INSRR: variants seen among roughly 807,000 people sequenced by gnomAD.
The protein encoded by INSRR is insulin receptor related receptor.
A neutral mutation model predicts 130.0 loss-of-function variants in INSRR; 114 were observed. The ratio of observed to expected loss-of-function variants is 0.88; its 90% CI spans 0.75 to 1.02. The LOEUF (loss-of-function observed/expected upper bound fraction) is 1.02, where lower values mean the gene tolerates loss of function less well. INSRR is among the 50% of genes least tolerant of loss of function. The pLI is 0.00. For synonymous variants in INSRR, 674 were observed against 705.2 expected, an observed-to-expected ratio of 0.96 and a Z score of 0.70; for missense variants, 1,657 against 1,735.2, an observed-to-expected ratio of 0.95 and a Z score of 0.80.
At chr1:156,849,150 C>G (rs1366348494) in intron 6 of INSRR, 96 bp downstream of exon 6, 2 of 1,599,942 alleles carry the variant, frequency 1.3e-6, no homozygotes, top group Non-Finnish European at 1.7e-6. Context: ...CTGAGGAGAA[C>G]TTCTCAGAGT....
In INSRR at chr1:156,842,163, G is replaced by A; in HGVS notation, c.3346C>T (p.Leu1116=). ...GACACCATGCAGTTGCGGGCTGCTA[G>A]ATCTCGGTGCACAAACTTGTTGGCA... is the stretch of plus-strand genomic sequence containing the variant. ...LAANKFVHRD[L]AARNCMVSQD... The change falls in exon 19 of 22, where the codon CTA becomes TTA. Residue 1116 remains leucine (L), a synonymous_variant. Transcript: ENST00000368195. 1 of 1,614,140 alleles carries A rather than the reference G, an allele frequency of 6.2e-7. No homozygotes were observed. Among genetic ancestry groups the A allele is most frequent in the Non-Finnish European group, 8.5e-7 (1 of 1,180,006 alleles).
rs750871672 is a variant in INSRR, at chr1:156,854,282, C to T, written c.107G>A (p.Arg36His). 25 of 1,611,870 alleles carry T rather than the reference C, an allele frequency of 1.6e-5. No homozygotes were observed. Among genetic ancestry groups the T allele is most frequent in the South Asian group, 1.4e-4 (13 of 90,938 alleles). ...CTGACGAAGCTCTGCCACCTCTGAGCGAATATCCAGGCTGGGGCACACTGT... is the reference window on the plus strand; with the variant it reads ...CTGACGAAGCTCTGCCACCTCTGAGTGAATATCCAGGCTGGGGCACACTGT... ...TVEVCPSLDI[R>H]SEVAELRQLE... is the part of the protein sequence containing the mutation. Residue 36 changes from arginine to histidine, a missense_variant, in exon 2 of 22, where the codon CGC (arginine) becomes CAC (histidine). Coordinates refer to ENST00000368195, the MANE Select transcript of INSRR (RefSeq NM_014215.3). The surrounding 1 kb of genome is among the most constrained non-coding windows in gnomAD (Gnocchi z 4.2).
At position 156,840,862 on chromosome 1, in the gene INSRR, T is replaced by A. The variant is rs1654749312; in HGVS notation, c.*11A>T. 6.3e-7 allele frequency: 1 copy of A among 1,597,948 alleles called. No individual in the cohort carries two copies. On this transcript the variant is annotated 3_prime_UTR_variant, in exon 22 of 22. Transcript: ENST00000368195. ...TCCCCATGGGAGGCCAGCCAGGGAA[T>A]GAGGTGCCCCTCAGTGCCCTGGACC...
intron 21 of INSRR, 66 bp downstream of exon 21, chr1:156,841,328 T>C (rs1485281204): frequency 9.3e-7 from 1 of 1,074,744 alleles, no homozygotes; most frequent in Non-Finnish European, 1.2e-6. Flanking sequence ...GCCAGAATCA[T>C]GGGGCCGGGT....
intron 10 of INSRR, 43 bp downstream of exon 10, chr1:156,845,576 C>A: frequency 7.1e-7 from 1 of 1,402,270 alleles, no homozygotes. Flanking sequence ...CCCTCACAGG[C>A]CCCACTCATC....
In INSRR at chr1:156,845,633, C is replaced by G; in HGVS notation, c.2160G>C (p.Ala720=). 6.3e-7 allele frequency: 1 copy of G among 1,598,664 alleles called. No homozygotes were observed. Among genetic ancestry groups the G allele is most frequent in the Non-Finnish European group, 8.5e-7 (1 of 1,171,458 alleles). ...GCTCTTCGCACATGGGGATGGTGATCGCGTTGTGTAGAAAGTTTTCAAACT... is the reference window on the plus strand; with the variant it reads ...GCTCTTCGCACATGGGGATGGTGATGGCGTTGTGTAGAAAGTTTTCAAACT... ...QKKFENFLHN[A]ITIPISPWKV... Residue 720 remains alanine (A), a synonymous_variant, in exon 10 of 22, where the codon GCG becomes GCC. Coordinates refer to ENST00000368195, the MANE Select transcript of INSRR (RefSeq NM_014215.3).
chr1:156,856,453 G>T (rs1655407483), intron 1 of INSRR, among the ~76,000 whole-genome samples: 1 of 152,194 alleles, frequency 6.6e-6, no homozygotes. Flanking sequence ...TCAAGTTTCA[G>T]TTCCTCAGCC....
At chr1:156,851,097 G>A in intron 5 of INSRR, 193 bp downstream of exon 5, 1 of 688,282 alleles carries the variant, frequency 1.5e-6, no homozygotes, top group Non-Finnish European at 2.6e-6. Flanking sequence ...AAACAGTCCT[G>A]AGAAGTAAGT....
Position 156,846,537 on chromosome 1 carries a change from G to A in INSRR, c.1792C>T (p.Leu598Phe). Residue 598 changes from leucine to phenylalanine, a missense_variant, in exon 8 of 22, where the codon CTC (leucine) becomes TTC (phenylalanine). Coordinates refer to ENST00000368195, the MANE Select transcript of INSRR (RefSeq NM_014215.3). ...HQGAQSPIVY[L>F]RTLPAAPTVP... ...TGCCTACCTGCAGGCAGCGTTCGGA[G>A]GTAGACGATGGGACTCTGGGCTCCT... The A allele has an allele frequency of 6.2e-7, 1 of 1,614,044 alleles. No homozygotes were observed.
chr1:156,845,808 C>G lies in INSRR; in HGVS notation c.1985G>C (p.Arg662Pro). The G allele has an allele frequency of 1.2e-6, 2 of 1,612,242 alleles. No individual in the cohort carries two copies. Among genetic ancestry groups the G allele is most frequent in the Non-Finnish European group, 1.7e-6 (2 of 1,179,758 alleles). Residue 662 changes from arginine to proline, a missense_variant, in exon 10 of 22, where the codon CGG becomes CCG. Arg to Pro is a moderately radical substitution (Grantham distance 103). Transcript: ENST00000368195. ...YLNDYCHRGL[R>P]LPTSNNDPRF... is the part of the protein sequence containing the mutation. ...CGGATCGTTGTTGCTGGTGGGCAGC[C>G]GCAAGCCTGGCGCCGCAGCGGGAAG...
chr1:156,847,652 T>C (rs1419169146), intron 7 of INSRR, among the ~76,000 whole-genome samples: 7 of 151,014 alleles, frequency 4.6e-5, no homozygotes, highest in Admixed American at 4.6e-4. Context: ...ATAAGCAGGA[T>C]AGTCCAGGAG....
At chr1:156,841,956 C>T (rs970859133) in intron 19 of INSRR, 156 bp downstream of exon 19, 4 of 1,552,014 alleles carry the variant, frequency 2.6e-6, no homozygotes, top group Non-Finnish European at 3.5e-6. Context: ...ATCCAAACCC[C>T]TCTGCCCTTG....
intron 18 of INSRR, 32 bp downstream of exon 18, chr1:156,842,366 C>A (rs1654831366): frequency 6.2e-7 from 1 of 1,612,986 alleles, no homozygotes. Context: ...CCCAACCCTT[C>A]TTTCACTCCC....
chr1:156,841,531 G>A lies in INSRR; in HGVS notation c.3528-3C>T, dbSNP rs1270619004. The A allele has an allele frequency of 1.9e-6, 3 of 1,613,992 alleles. No homozygotes were observed. The South Asian group carries it at 3.3e-5, about 18-fold the overall frequency. On this transcript the variant is annotated splice_region_variant and splice_polypyrimidine_tract_variant and intron_variant, in intron 20 of 21. Coordinates refer to ENST00000368195, the MANE Select transcript of INSRR (RefSeq NM_014215.3). ...CCCAGAGTACCACGCCAAAGGACCT[G>A]GGGGCATGCAGGAGCTCCTGAGCCC...
chr1:156,850,230 G>T (rs1655153723), intron 5 of INSRR, among the ~76,000 whole-genome samples: 1 of 151,872 alleles, frequency 6.6e-6, no homozygotes, highest in Non-Finnish European at 1.5e-5. Context: ...TGTATGTTTT[G>T]AGCTGGAGTC....
chr1:156,845,710 G>C lies in INSRR; in HGVS notation c.2083C>G (p.Pro695Ala). The change falls in exon 10 of 22, where the codon CCT becomes GCT. Residue 695 changes from proline (P) to alanine (A), a missense_variant. By Grantham distance (27) the Pro-to-Ala change is conservative (BLOSUM62 -1). Transcript: ENST00000368195. ...SDCCPCQHPP[P>A]GQVLPPLEAQ... is the part of the protein sequence containing the mutation. ...TCCAGCGGGGGCAGAACCTGACCAG[G>C]AGGTGGGTGCTGGCAAGGGCAGCAG... 2 of 1,613,714 alleles carry C rather than the reference G, an allele frequency of 1.2e-6. No individual in the cohort carries two copies. The highest frequency in any genetic ancestry group is 1.7e-6 in the Non-Finnish European group (2 of 1,179,894).
chr1:156,853,318 T>C (rs1472119860), intron 2 of INSRR, among the ~76,000 whole-genome samples: 1 of 152,164 alleles, frequency 6.6e-6, no homozygotes, highest in Admixed American at 6.5e-5. Context: ...GAGTAACTCA[T>C]TCCTCATGAC....
chr1:156,845,033 G>C (rs777245434), intron 12 of INSRR, 43 bp downstream of exon 12: 1 of 1,570,062 alleles, frequency 6.4e-7, no homozygotes, highest in Admixed American at 1.8e-5. Flanking sequence ...AGGGTCCTTG[G>C]GGTCGGTGAT....
Position 156,854,208 on chromosome 1 carries a change from A to C in INSRR, c.181T>G (p.Phe61Val). 1 of 1,614,056 alleles carries C rather than the reference A, an allele frequency of 6.2e-7. No individual in the cohort carries two copies. Among genetic ancestry groups the C allele is most frequent in the Non-Finnish European group, 8.5e-7 (1 of 1,180,034 alleles). Residue 61 changes from phenylalanine to valine, a missense_variant, in exon 2 of 22, where the codon TTC becomes GTC. Phe to Val is a conservative substitution (Grantham distance 50). Transcript: ENST00000368195. The surrounding 1 kb of genome is among the most constrained non-coding windows in gnomAD (Gnocchi z 4.2). ...CGGAAGTCCTCCCCGGTGGCTGTGA[A>C]CATGAGCAGGATCTGCAGGTGGCCC... ...VEGHLQILLM[F>V]TATGEDFRGL...
Sources: allele counts gnomAD v4.1 joint callset (sites outside exome capture counted in the v4.1 genomes callset), GRCh38; gene constraint gnomAD v4.1.1; non-coding constraint Gnocchi (gnomAD v3.1); transcripts MANE v1.5; gene names NCBI Gene and HGNC (gene_info 2026-07-23, HGNC 2026-07-21).